CPD: variants seen among roughly 807,000 people sequenced by gnomAD.
The protein encoded by CPD is carboxypeptidase D.
Under a neutral mutation model 138.3 loss-of-function variants are expected in CPD, and 69 were observed. The observed-to-expected ratio is 0.50, with a 90% CI of 0.41 to 0.61. The LOEUF is 0.61. Among genes scored for constraint, CPD ranks in the 20% least tolerant of loss-of-function variants. The probability of loss-of-function intolerance (pLI) is 0.00; values close to 1 mark genes in which losing one functional copy is unlikely to be tolerated. For missense variants in CPD, 1,432 were observed against 1,733.3 expected (o/e 0.83, Z 3.09); for synonymous variants, 651 against 642.1 (o/e 1.01, Z -0.21).
chr17:30,462,087 T>C, intron 19 of CPD, 25 bp downstream of exon 19: 1 of 1,570,376 alleles, frequency 6.4e-7, no homozygotes, highest in East Asian at 2.2e-5. Flanking sequence ...TTGAGTAGCA[T>C]CATGTAAATT....
At chr17:30,405,016 A>G (rs1911769966) in intron 2 of CPD, among the ~76,000 whole-genome samples, 1 of 152,150 alleles carries the variant, frequency 6.6e-6, no homozygotes, top group Non-Finnish European at 1.5e-5. Context: ...TTTACTTGGT[A>G]TGATACTGTA....
chr17:30,437,317 G>T (rs1912728386), intron 8 of CPD, among the ~76,000 whole-genome samples: 1 of 152,052 alleles, frequency 6.6e-6, no homozygotes, highest in African/African-American at 2.4e-5. Flanking sequence ...AGTGGATTTT[G>T]AAAACCTAAA....
chr17:30,408,264 T>G (rs1226013999), intron 2 of CPD, among the ~76,000 whole-genome samples: 3 of 152,154 alleles, frequency 2.0e-5, no homozygotes, highest in Admixed American at 6.6e-5. Context: ...TTGTTCTTTT[T>G]GCTTAGGATT....
At chr17:30,400,523 C>G (rs28551166) in intron 2 of CPD, among the ~76,000 whole-genome samples, 2 of 151,950 alleles carry the variant, frequency 1.3e-5, no homozygotes, top group African/African-American at 4.8e-5. Context: ...TCCTGAAGTT[C>G]TAAGTTTCTC....
chr17:30,439,239 T>A (rs887798606), intron 9 of CPD, among the ~76,000 whole-genome samples, 162 bp downstream of exon 9: 1 of 152,124 alleles, frequency 6.6e-6, no homozygotes, highest in Non-Finnish European at 1.5e-5. Flanking sequence ...ACTACTTTTA[T>A]GTTTGATGTA....
At chr17:30,428,322 CT>C (rs1912474791) in intron 7 of CPD, among the ~76,000 whole-genome samples, 1 of 152,186 alleles carries the variant, frequency 6.6e-6, no homozygotes, top group Non-Finnish European at 1.5e-5. Context: ...CACACATAAA[CT>C]CACTTGAACA....
At chr17:30,444,614 C>T (rs926697645) in intron 11 of CPD, among the ~76,000 whole-genome samples, 4 of 149,992 alleles carry the variant, frequency 2.7e-5, no homozygotes, top group African/African-American at 9.8e-5. Flanking sequence ...ACTTCTGCCT[C>T]CTGGGTTCAA....
chr17:30,382,192 C>T (rs1911067794), intron 1 of CPD, among the ~76,000 whole-genome samples: 1 of 152,034 alleles, frequency 6.6e-6, no homozygotes, highest in African/African-American at 2.4e-5. Flanking sequence ...CTATGATTGT[C>T]TGAATCTTTG....
chr17:30,391,132 CTTTTT>C (rs5819898), intron 2 of CPD, among the ~76,000 whole-genome samples: 4 of 114,848 alleles, frequency 3.5e-5, no homozygotes, highest in Admixed American at 8.8e-5. Context: ...GCCTGGCCGC[CTTTTT>C]TTTTTTTTTT....
chr17:30,437,415 T>C lies in CPD; in HGVS notation c.2128-1560T>C, dbSNP rs139384807. Among the ~76,000 whole-genome samples, 452 of 152,256 alleles carry C rather than the reference T, an allele frequency of 3.0e-3. 3 individuals carry two copies. The highest frequency in any genetic ancestry group is 4.7e-3 in the Non-Finnish European group (323 of 68,018). ...AAGTTATATACCAAGCCCGGTGTGATGGCTCACACCTGTAATCTCAACACT... is the reference window on the plus strand; with the variant it reads ...AAGTTATATACCAAGCCCGGTGTGACGGCTCACACCTGTAATCTCAACACT... On this transcript the variant is annotated intron_variant, in intron 8 of 20. Transcript: ENST00000225719.
intron 2 of CPD, among the ~76,000 whole-genome samples, chr17:30,400,824 AT>A (rs778290874): frequency 0.03 from 3,811 of 125,744 alleles, 189 homozygotes; most frequent in African/African-American, 0.094. Flanking sequence ...CGCCCGGTTA[AT>A]TTTTTTTTTT....
chr17:30,399,532 A>C lies in CPD; in HGVS notation c.994+14296A>C, dbSNP rs1374228365. Among the ~76,000 whole-genome samples the C allele has an allele frequency of 2.0e-5, 3 of 151,998 alleles. No individual in the cohort carries two copies. The East Asian group carries it at 5.8e-4, about 29-fold the overall frequency. ...ATCTAGAATTATGTCGTTTTGGTGA[A>C]TCTACACTTTTATCGTTATGTAATG... On this transcript the variant is annotated intron_variant, in intron 2 of 20. Coordinates refer to ENST00000225719, the MANE Select transcript of CPD (RefSeq NM_001304.5).
intron 2 of CPD, among the ~76,000 whole-genome samples, chr17:30,413,948 G>A (rs1025933944): frequency 2.0e-5 from 3 of 152,156 alleles, no homozygotes; most frequent in Non-Finnish European, 4.4e-5. Context: ...CGGGGGAAGA[G>A]CATTCCAGCA....
chr17:30,423,120 A>G, intron 5 of CPD, 97 bp downstream of exon 5: 2 of 888,658 alleles, frequency 2.3e-6, no homozygotes, highest in Non-Finnish European at 1.7e-6. Context: ...TACAGTTTGT[A>G]TAACTGGCAT....
Position 30,461,896 on chromosome 17 carries a change from G to T in CPD, c.3650G>T (p.Gly1217Val). ...TTTCAGGTTCACAAGGGAGTTCATG[G>T]ATTTGTTAAAGATAAGACTGGAAAG... is the stretch of plus-strand genomic sequence containing the variant. ...MLVEVHKGVH[G>V]FVKDKTGKPI... Residue 1217 changes from glycine to valine, a missense_variant, in exon 19 of 21, where the codon GGA (glycine) becomes GTA (valine). Gly to Val is a moderately radical substitution (Grantham distance 109). This residue lies in a region of CPD where 366 missense variants were observed against 518.8 expected (regional missense o/e 0.71). Transcript: ENST00000225719. The T allele has an allele frequency of 2.5e-6, 4 of 1,598,082 alleles. No homozygotes were observed. The highest frequency in any genetic ancestry group is 3.4e-6 in the Non-Finnish European group (4 of 1,173,976).
chr17:30,443,842 A>T lies in CPD; in HGVS notation c.2414A>T (p.Asp805Val). Residue 805 changes from aspartate to valine, a missense_variant, in exon 11 of 21, where the codon GAT (aspartate) becomes GTT (valine). Asp to Val is a radical substitution (Grantham distance 152, BLOSUM62 -3). Coordinates refer to ENST00000225719, the MANE Select transcript of CPD (RefSeq NM_001304.5). ...GVRGFVLDAT[D>V]GRGILNATIS... ...AGAGGATTTGTTCTAGATGCCACAG[A>T]TGGCAGGGGTATATTAAATGCCACC... 6.2e-7 allele frequency: 1 copy of T among 1,613,560 alleles called. No homozygotes were observed.
At chr17:30,423,052 C>G (rs772279318) in intron 5 of CPD, 29 bp downstream of exon 5, 1 of 1,498,246 alleles carries the variant, frequency 6.7e-7, no homozygotes, top group Admixed American at 1.8e-5. Context: ...CACATAATTT[C>G]AGTAGTGCCC....
At chr17:30,425,635 C>T (rs1204434966) in intron 6 of CPD, among the ~76,000 whole-genome samples, 2 of 145,454 alleles carry the variant, frequency 1.4e-5, no homozygotes, top group African/African-American at 5.1e-5. Context: ...CAGTCTAGGC[C>T]ACAGAGTGAG....
chr17:30,408,792 C>A (rs1911877417), intron 2 of CPD, among the ~76,000 whole-genome samples: 1 of 152,220 alleles, frequency 6.6e-6, no homozygotes, highest in East Asian at 1.9e-4. Context: ...AGTTGAATAC[C>A]CTTTATTTCT....
Sources: allele counts gnomAD v4.1 joint callset (sites outside exome capture counted in the v4.1 genomes callset), GRCh38; gene constraint gnomAD v4.1.1; regional missense constraint gnomAD v4.1.1; transcripts MANE v1.5; gene names NCBI Gene and HGNC (gene_info 2026-07-23, HGNC 2026-07-21).